Variants in CREBBP observed in about 807,000 individuals in gnomAD.
CREBBP encodes CREB-binding protein.
Under a neutral mutation model 265.0 loss-of-function variants are expected in CREBBP, and 19 were observed. The ratio of observed to expected loss-of-function variants is 0.07; its 90% CI spans 0.05 to 0.11. The LOEUF (loss-of-function observed/expected upper bound fraction) is 0.11. CREBBP is among the 10% of genes least tolerant of loss of function. The pLI, the probability that CREBBP is intolerant of heterozygous loss-of-function variation, is 1.00. For missense variants in CREBBP, 2,525 were observed against 3,219.0 expected (o/e 0.78, Z 5.22); for synonymous variants, 1,457 against 1,223.7 (o/e 1.19, Z -3.98).
intron 1 of CREBBP, among the ~76,000 whole-genome samples, chr16:3,852,467 G>A (rs963721365): frequency 5.3e-5 from 8 of 152,064 alleles, no homozygotes; most frequent in Non-Finnish European, 1.0e-4. Flanking sequence ...CACCGTGCCC[G>A]GCCGATTACA....
At chr16:3,753,346 A>C (rs2052517551) in intron 19 of CREBBP, among the ~76,000 whole-genome samples, 1 of 152,250 alleles carries the variant, frequency 6.6e-6, no homozygotes, top group Non-Finnish European at 1.5e-5. Flanking sequence ...CACATACAGC[A>C]AATTTTAAAG....
intron 6 of CREBBP, among the ~76,000 whole-genome samples, chr16:3,781,751 C>G (rs1413576888): frequency 6.6e-6 from 1 of 152,116 alleles, no homozygotes; most frequent in East Asian, 1.9e-4. Context: ...GTCAATTTGT[C>G]TACAATCTTC....
At chr16:3,732,170 T>C (rs556375399) in intron 28 of CREBBP, among the ~76,000 whole-genome samples, 1 of 152,288 alleles carries the variant, frequency 6.6e-6, no homozygotes, top group African/African-American at 2.4e-5. Context: ...ACGCTGCCTC[T>C]AAAGGGGAAA....
intron 2 of CREBBP, among the ~76,000 whole-genome samples, chr16:3,827,465 C>T (rs2054260034): frequency 1.3e-5 from 2 of 152,078 alleles, no homozygotes; most frequent in South Asian, 4.2e-4. Context: ...AATCTCGGCT[C>T]ACTGCAACCT....
chr16:3,851,065 A>G, intron 1 of CREBBP, 56 bp from the exon 2 acceptor site: 1 of 1,445,972 alleles, frequency 6.9e-7, no homozygotes, highest in Non-Finnish European at 9.7e-7. Flanking sequence ...CAGCTCTCCA[A>G]CTGCCACGTT....
intron 2 of CREBBP, among the ~76,000 whole-genome samples, chr16:3,833,180 A>G (rs2054376434): frequency 6.6e-6 from 1 of 152,242 alleles, no homozygotes; most frequent in African/African-American, 2.4e-5. Context: ...TGGGAGGCTG[A>G]GATGGGCGGA....
chr16:3,835,307 G>A (rs1008582807), intron 2 of CREBBP, among the ~76,000 whole-genome samples: 1 of 151,976 alleles, frequency 6.6e-6, no homozygotes, highest in Non-Finnish European at 1.5e-5. Context: ...TTTAGTCTTT[G>A]CAGATGACCT....
chr16:3,790,366 CTTTTTTTTTTTTT>C (rs57582399), intron 5 of CREBBP, among the ~76,000 whole-genome samples: 1 of 66,588 alleles, frequency 1.5e-5, no homozygotes, highest in Non-Finnish European at 2.7e-5. Flanking sequence ...AGGAAACTGG[CTTTTTTTTTTTTT>C]TTTTTTTTTT....
intron 1 of CREBBP, among the ~76,000 whole-genome samples, chr16:3,864,132 C>T (rs1448009113): frequency 6.6e-6 from 1 of 152,188 alleles, no homozygotes; most frequent in Non-Finnish European, 1.5e-5. Flanking sequence ...GATTCCCCAG[C>T]CATATTGTAA....
chr16:3,808,570 T>A (rs2053876859), intron 3 of CREBBP, among the ~76,000 whole-genome samples: 1 of 152,190 alleles, frequency 6.6e-6, no homozygotes, highest in Non-Finnish European at 1.5e-5. Flanking sequence ...AAACTGCCCT[T>A]GACAAGCATA....
At chr16:3,760,418 T>TTTTTTTTTC (rs2052689600) in intron 16 of CREBBP, among the ~76,000 whole-genome samples, 1 of 128,382 alleles carries the variant, frequency 7.8e-6, no homozygotes, top group Non-Finnish European at 1.6e-5. Context: ...TTTTTTTTTT[T>TTTTTTTTTC]TTGAGACAGA....
intron 2 of CREBBP, among the ~76,000 whole-genome samples, chr16:3,820,548 A>C (rs1425789266): frequency 6.6e-6 from 1 of 152,204 alleles, no homozygotes. Context: ...CTAGTAACAA[A>C]GTATTTAGCA....
intron 3 of CREBBP, among the ~76,000 whole-genome samples, chr16:3,804,268 T>G (rs543798108): frequency 6.6e-6 from 1 of 152,350 alleles, no homozygotes; most frequent in East Asian, 1.9e-4. Flanking sequence ...TAGAATACTC[T>G]TCTTGAATAC....
chr16:3,749,578 C>A, intron 21 of CREBBP, 49 bp downstream of exon 21: 1 of 1,357,696 alleles, frequency 7.4e-7, no homozygotes, highest in Non-Finnish European at 1.0e-6. Flanking sequence ...GTAACTTTAC[C>A]GATTTCAAAC....
rs77219353 is a variant in CREBBP at position 3,803,148 on chromosome 16, G to T, written c.975+7455C>A. 0.012 allele frequency among the ~76,000 whole-genome samples: 1,775 copies of T among 151,446 alleles called. 65 individuals are homozygous for T. In the East Asian group the frequency reaches 0.12, roughly 10 times the overall value. On this transcript the variant is annotated intron_variant, in intron 3 of 30. Coordinates refer to ENST00000262367, the MANE Select transcript of CREBBP (RefSeq NM_004380.3). The stretch of plus-strand genomic sequence containing the variant: ...TCTTGTGTTTTCTTCTTTTTGCTTT[G>T]TGTTTATTGATTTTTTTTAAAAAAA...
At chr16:3,796,458 C>T (rs2053610718) in intron 3 of CREBBP, among the ~76,000 whole-genome samples, 2 of 151,626 alleles carry the variant, frequency 1.3e-5, no homozygotes, top group Non-Finnish European at 2.9e-5. Flanking sequence ...GCCACCTCAG[C>T]TTACTGCAAC....
At chr16:3,847,087 G>A (rs528041038) in intron 2 of CREBBP, among the ~76,000 whole-genome samples, 7 of 152,208 alleles carry the variant, frequency 4.6e-5, no homozygotes, top group African/African-American at 1.7e-4. Flanking sequence ...ATCCTCAGAG[G>A]ATGAGATCAA....
At chr16:3,854,237 C>A (rs1376516748) in intron 1 of CREBBP, among the ~76,000 whole-genome samples, 1 of 152,190 alleles carries the variant, frequency 6.6e-6, no homozygotes, top group Non-Finnish European at 1.5e-5. Flanking sequence ...TGAACCAGGA[C>A]CATTGTGGAA....
rs1233260464 is a variant in CREBBP, at chr16:3,728,932, C to T, written c.6115G>A (p.Val2039Met). The T allele has an allele frequency of 3.7e-6, 6 of 1,603,066 alleles. No homozygotes were observed. Among genetic ancestry groups the T allele is most frequent in the Non-Finnish European group, 5.1e-6 (6 of 1,178,538 alleles). Residue 2039 changes from valine to methionine, a missense_variant, in exon 31 of 31, where the codon GTG becomes ATG. Val to Met is a conservative substitution (Grantham distance 21). Coordinates refer to ENST00000262367, the MANE Select transcript of CREBBP (RefSeq NM_004380.3). This position sits in a 1 kb window ranked among gnomAD's most constrained non-coding sequence, Gnocchi z 8.7. ...QQPMPGLPRP[V>M]ISMQAQAAVA... ...GCCGCCTGGGCCTGCATGGATATCA[C>T]AGGCCTGGGCAAGCCTGGCATGGGC... is the stretch of plus-strand genomic sequence containing the variant.
Sources: allele counts gnomAD v4.1 joint callset (sites outside exome capture counted in the v4.1 genomes callset), GRCh38; gene constraint gnomAD v4.1.1; non-coding constraint Gnocchi (gnomAD v3.1); transcripts MANE v1.5; gene names NCBI Gene and HGNC (gene_info 2026-07-23, HGNC 2026-07-21).